The following HSD17B12 variants were observed in gnomAD, a reference collection of about 807,000 sequenced individuals.
The protein encoded by HSD17B12 is very-long-chain 3-oxoacyl-CoA reductase.
Under a neutral mutation model 39.3 loss-of-function variants are expected in HSD17B12, and 32 were observed. The observed-to-expected ratio is 0.81, with a 90% CI of 0.61 to 1.09. The LOEUF is 1.09. Among genes scored for constraint, HSD17B12 ranks in the 50% least tolerant of loss-of-function variants. The probability of loss-of-function intolerance (pLI) is 0.00; values close to 1 mark genes in which losing one functional copy is unlikely to be tolerated. For synonymous variants in HSD17B12, 150 were observed against 146.7 expected, an observed-to-expected ratio of 1.02 and a Z score of -0.16; for missense variants, 342 against 382.9, an observed-to-expected ratio of 0.89 and a Z score of 0.89.
chr11:43,791,906 T>A (rs1214109072), intron 3 of HSD17B12, among the ~76,000 whole-genome samples: 1 of 152,212 alleles, frequency 6.6e-6, no homozygotes, highest in Admixed American at 6.5e-5. Flanking sequence ...TATGATTAAT[T>A]TTTTGGAAAA....
chr11:43,781,291 A>G lies in HSD17B12; in HGVS notation c.284-17029A>G, dbSNP rs1379335282. Among the ~76,000 whole-genome samples, 8 of 152,294 alleles carry G rather than the reference A, an allele frequency of 5.3e-5. No individual in the cohort carries two copies. In the East Asian group the frequency reaches 1.5e-3, roughly 29 times the overall value. On this transcript the variant is annotated intron_variant, in intron 3 of 10. Transcript: ENST00000278353. ...AATTATGGCATAGCTGTTCTATGTA[A>G]TATTATGCAAGGATGCTATGAAATC...
chr11:43,855,342 A>T lies in HSD17B12; in HGVS notation c.*94A>T. 1.5e-6 allele frequency: 1 copy of T among 646,420 alleles called. No individual in the cohort carries two copies. Among genetic ancestry groups the T allele is most frequent in the Non-Finnish European group, 2.6e-6 (1 of 383,352 alleles). 40.0% of individuals were successfully genotyped at this position (646,420 alleles called of 1,614,324 possible). A position where few individuals can be genotyped will look rare whatever the true frequency, so the allele number is the denominator to read the frequency against. ...CTGGTTTTGAAAATCTGACCTTGTC[A>T]TTTCAATAGTTATTAACATGACTAA... On this transcript the variant is annotated 3_prime_UTR_variant, in exon 11 of 11. Coordinates refer to ENST00000278353, the MANE Select transcript of HSD17B12 (RefSeq NM_016142.3).
intron 1 of HSD17B12, among the ~76,000 whole-genome samples, chr11:43,734,953 G>GC (rs1950303540): frequency 6.6e-6 from 1 of 152,092 alleles, no homozygotes; most frequent in South Asian, 2.1e-4. Context: ...ACAGTCCCTG[G>GC]CAACCACTAA....
chr11:43,737,850 G>A (rs1213099018), intron 1 of HSD17B12, among the ~76,000 whole-genome samples: 4 of 152,078 alleles, frequency 2.6e-5, no homozygotes, highest in African/African-American at 9.7e-5. Context: ...GAGGCAGGTG[G>A]ATCACGAGGT....
chr11:43,688,432 A>G (rs369327974), intron 1 of HSD17B12, among the ~76,000 whole-genome samples: 8 of 152,312 alleles, frequency 5.3e-5, no homozygotes, highest in African/African-American at 9.6e-5. Context: ...TGGTAACTCC[A>G]TAATACCATG....
intron 1 of HSD17B12, among the ~76,000 whole-genome samples, chr11:43,736,097 T>C: frequency 6.6e-6 from 1 of 152,210 alleles, no homozygotes; most frequent in East Asian, 1.9e-4. Context: ...GGGTTTGCAT[T>C]TTTAAAGAGG....
At chr11:43,561,357 G>A in the HSD17B12 span, among the ~76,000 whole-genome samples, 1 of 152,210 alleles carries the variant, frequency 6.6e-6, no homozygotes, top group Non-Finnish European at 1.5e-5. Flanking sequence ...TGATGTTGCT[G>A]TGGAAGAAGC....
chr11:43,566,854 T>C, the HSD17B12 span, among the ~76,000 whole-genome samples: 1 of 152,146 alleles, frequency 6.6e-6, no homozygotes, highest in Admixed American at 6.5e-5. Flanking sequence ...ATAATAATAA[T>C]AAGATCTGTG....
chr11:43,749,712 A>G (rs1285738161), intron 1 of HSD17B12, among the ~76,000 whole-genome samples: 3 of 151,902 alleles, frequency 2.0e-5, no homozygotes. Context: ...TATGAGAGAT[A>G]TGGCTAGGGA....
intron 1 of HSD17B12, among the ~76,000 whole-genome samples, chr11:43,729,652 A>T (rs947517739): frequency 3.9e-5 from 6 of 152,224 alleles, no homozygotes; most frequent in African/African-American, 1.4e-4. Flanking sequence ...AGCTTCTTGA[A>T]GGGAGGAAAG....
intron 1 of HSD17B12, chr11:43,719,123 G>C (rs1590690543): frequency 1.3e-6 from 1 of 760,566 alleles, no homozygotes; most frequent in Non-Finnish European, 2.4e-6. Context: ...TTTGGATGTT[G>C]CCAACAAAAT....
At chr11:43,720,372 T>G (rs910106582) in intron 1 of HSD17B12, among the ~76,000 whole-genome samples, 1 of 152,240 alleles carries the variant, frequency 6.6e-6, no homozygotes, top group Non-Finnish European at 1.5e-5. Context: ...TATTCTATCT[T>G]ATGTAATTGT....
At chr11:43,733,375 T>C (rs1212927736) in intron 1 of HSD17B12, among the ~76,000 whole-genome samples, 1 of 152,186 alleles carries the variant, frequency 6.6e-6, no homozygotes, top group Non-Finnish European at 1.5e-5. Flanking sequence ...CTAGGGTTGT[T>C]TGGGGAACTA....
chr11:43,656,257 A>T, the HSD17B12 span, among the ~76,000 whole-genome samples: 1 of 151,538 alleles, frequency 6.6e-6, no homozygotes, highest in Non-Finnish European at 1.5e-5. Flanking sequence ...CCCCCTTTGT[A>T]ATTTTTTATT....
rs184848849 is a variant in HSD17B12 at position 43,754,418 on chromosome 11, A to T, written c.283+297A>T. The stretch of plus-strand genomic sequence containing the variant: ...TGAAACCCCGTCTCTACTAAAAATT[A>T]AAAAAAAATTAGCCGGGTATGGTGG... On this transcript the variant is annotated intron_variant, in intron 3 of 10. Transcript: ENST00000278353. 2.4e-3 allele frequency among the ~76,000 whole-genome samples: 361 copies of T among 151,380 alleles called. 1 individual carries two copies. Among genetic ancestry groups the T allele is most frequent in the African/African-American group, 8.2e-3 (337 of 41,330 alleles).
the HSD17B12 span, among the ~76,000 whole-genome samples, chr11:43,600,774 G>C: frequency 6.6e-6 from 1 of 151,840 alleles, no homozygotes; most frequent in African/African-American, 2.4e-5. Context: ...TTATTGGAAT[G>C]ATTTGCGTTA....
At chr11:43,571,700 T>A in the HSD17B12 span, among the ~76,000 whole-genome samples, 318 of 152,148 alleles carry the variant, frequency 2.1e-3, no homozygotes, top group Non-Finnish European at 3.3e-3. Context: ...GAGTTGTTGA[T>A]GGCAACCAAA....
At chr11:43,597,376 T>C in the HSD17B12 span, among the ~76,000 whole-genome samples, 1 of 152,040 alleles carries the variant, frequency 6.6e-6, no homozygotes, top group Non-Finnish European at 1.5e-5. Context: ...ATTGGATAAA[T>C]GGGAAGGATA....
intron 1 of HSD17B12, among the ~76,000 whole-genome samples, chr11:43,695,920 T>C (rs919473060): frequency 3.3e-5 from 5 of 152,208 alleles, no homozygotes; most frequent in African/African-American, 1.2e-4. Context: ...TCATGGAATT[T>C]TGTTTTACAT....
Sources: allele counts gnomAD v4.1 joint callset (sites outside exome capture counted in the v4.1 genomes callset), GRCh38; gene constraint gnomAD v4.1.1; transcripts MANE v1.5; gene names NCBI Gene and HGNC (gene_info 2026-07-23, HGNC 2026-07-21).